Variants in ZNF646 observed in about 807,000 individuals in gnomAD.
The protein encoded by ZNF646 is zinc finger protein 646.
ZNF646 carries 49 observed loss-of-function variants against 115.4 expected under a neutral mutation model. The observed-to-expected ratio is 0.42, with a 90% CI of 0.34 to 0.54. ZNF646 has a LOEUF of 0.54. ZNF646 is among the 20% of genes least tolerant of loss of function. ZNF646 has a pLI of 0.04. For synonymous variants in ZNF646, 933 were observed against 939.0 expected (o/e 0.99, Z 0.12); for missense variants, 2,269 against 2,457.9 (o/e 0.92, Z 1.62).
intron 2 of ZNF646, chr16:31,082,670 G>C: frequency 2.4e-6 from 1 of 408,486 alleles, no homozygotes; most frequent in East Asian, 6.0e-5. Context: ...AGTGGCCACC[G>C]AGGGTGGGTG....
At position 31,078,925 on chromosome 16, in the gene ZNF646, C is replaced by A. The variant is rs149416959; in HGVS notation, c.2601C>A (p.Phe867Leu). Reference protein sequence around the residue: ...FDSLPALRSHFQNHRPGEATS... With the variant: ...FDSLPALRSHLQNHRPGEATS... ...CTCTGCCTGCCCTCCGCAGCCACTT[C>A]CAGAACCATAGGCCTGGGGAGGCGA... is the stretch of plus-strand genomic sequence containing the variant. The change falls in exon 2 of 3, where the codon TTC (phenylalanine) becomes TTA (leucine). Residue 867 changes from phenylalanine (F) to leucine (L), a missense_variant. Around this residue, in one of 5 missense-constraint regions of ZNF646, gnomAD observed 852 missense variants for 900.2 expected, o/e 0.95. Coordinates refer to ENST00000300850, the MANE Select transcript of ZNF646 (RefSeq NM_014699.4). 10 of 1,613,566 alleles carry A rather than the reference C, an allele frequency of 6.2e-6. No homozygotes were observed. The highest frequency in any genetic ancestry group is 8.5e-6 in the Non-Finnish European group (10 of 1,180,042).
At chr16:31,082,872 G>A (rs1037984406) in intron 2 of ZNF646, 99 bp from the exon 3 acceptor site, 170 of 1,471,110 alleles carry the variant, frequency 1.2e-4, no homozygotes, top group East Asian at 8.3e-4. Context: ...CTGGGCCTCC[G>A]GGGCCAGGGG....
upstream of ZNF646, chr16:31,073,862 G>A (rs2057040122): frequency 6.6e-6 from 1 of 152,244 alleles, no homozygotes; most frequent in African/African-American, 2.4e-5. Flanking sequence ...TATGGCGGCA[G>A]AGAAGCATCT....
Position 31,079,416 on chromosome 16 carries a change from C to A in ZNF646, c.3092C>A (p.Pro1031His). Residue 1031 changes from proline to histidine, a missense_variant, in exon 2 of 3, where the codon CCC becomes CAC. This residue lies in a region of ZNF646 where 1,062 missense variants were observed against 1,172.8 expected (regional missense o/e 0.91). Coordinates refer to ENST00000300850, the MANE Select transcript of ZNF646 (RefSeq NM_014699.4). The surrounding 1 kb of genome is among the most constrained non-coding windows in gnomAD (Gnocchi z 5.5). The part of the protein sequence containing the change: ...DAKSQEGAGT[P>H]LGDSLCIQGG... ...AAGTCTCAAGAGGGAGCAGGCACCC[C>A]CTTGGGAGACAGCCTCTGCATCCAG... 1 of 1,614,018 alleles carries A rather than the reference C, an allele frequency of 6.2e-7. No homozygotes were observed.
Position 31,083,755 on chromosome 16 carries a change from G to A in ZNF646, c.*663G>A. ...GGGCAGTAATGCCATTTGCCTGCCT[G>A]CATTCTCTTGTCCTGAGAATGGCCA... On this transcript the variant is annotated 3_prime_UTR_variant, in exon 3 of 3. Coordinates refer to ENST00000300850, the MANE Select transcript of ZNF646 (RefSeq NM_014699.4). 1.2e-6 allele frequency: 2 copies of A among 1,614,072 alleles called. No individual in the cohort carries two copies. Among genetic ancestry groups the A allele is most frequent in the East Asian group, 4.5e-5 (2 of 44,876 alleles).
chr16:31,077,202 C>T lies in ZNF646; in HGVS notation c.878C>T (p.Pro293Leu). The T allele has an allele frequency of 6.2e-7, 1 of 1,614,200 alleles. No homozygotes were observed. The highest frequency in any genetic ancestry group is 2.2e-5 in the East Asian group (1 of 44,876). Residue 293 changes from proline (P) to leucine (L), a missense_variant, in exon 2 of 3, where the codon CCT becomes CTT. Physicochemically the swap from Pro to Leu is moderately conservative, Grantham distance 98. This residue lies in a region of ZNF646 where 852 missense variants were observed against 900.2 expected (regional missense o/e 0.95). Coordinates refer to ENST00000300850, the MANE Select transcript of ZNF646 (RefSeq NM_014699.4). Reference sequence around the variant, plus strand: ...TCTCGACTGCATGCCCAGTATCGGCCTTACCACTGTCCCCACTGCCCCCGT... The same window carrying T: ...TCTCGACTGCATGCCCAGTATCGGCTTTACCACTGTCCCCACTGCCCCCGT... ...NHSRLHAQYR[P>L]YHCPHCPRVF...
At position 31,079,450 on chromosome 16, in the gene ZNF646, A is replaced by G. The variant is rs748739369; in HGVS notation, c.3126A>G (p.Glu1042=). Residue 1042 remains glutamate (E), a synonymous_variant, in exon 2 of 3, where the codon GAA becomes GAG. Transcript: ENST00000300850. This position sits in a 1 kb window ranked among gnomAD's most constrained non-coding sequence, Gnocchi z 5.5. ...LGDSLCIQGG[E]SLLEAQPRPF... is the part of the protein sequence containing the mutation. ...ACAGCCTCTGCATCCAGGGTGGGGAAAGTTTGTTGGAGGCTCAGCCCCGCC... is the reference window on the plus strand; with the variant it reads ...ACAGCCTCTGCATCCAGGGTGGGGAGAGTTTGTTGGAGGCTCAGCCCCGCC... 14 of 1,613,588 alleles carry G rather than the reference A, an allele frequency of 8.7e-6. No individual in the cohort carries two copies. The Middle Eastern group carries it at 4.9e-4, about 57-fold the overall frequency.
chr16:31,080,462 G>A lies in ZNF646; in HGVS notation c.4138G>A (p.Glu1380Lys). The change falls in exon 2 of 3, where the codon GAG (glutamate) becomes AAG (lysine). Residue 1380 changes from glutamate to lysine, a missense_variant. Glu to Lys is a moderately conservative substitution (Grantham distance 56, BLOSUM62 1). This residue lies in a region of ZNF646 where 1,062 missense variants were observed against 1,172.8 expected (regional missense o/e 0.91). Transcript: ENST00000300850. ...CAGCTTCCCTGGCCGGGGATCTTTG[G>A]AGCGGCACCTGCGGGAGCATGAGGA... ...GRSFPGRGSL[E>K]RHLREHEETE... is the part of the protein sequence containing the mutation. 1 of 1,613,432 alleles carries A rather than the reference G, an allele frequency of 6.2e-7. No homozygotes were observed. The highest frequency in any genetic ancestry group is 8.5e-7 in the Non-Finnish European group (1 of 1,179,964).
Position 31,078,863 on chromosome 16 carries a change from A to T in ZNF646, c.2539A>T (p.Ile847Phe). ...LSHRPCHPPGIYQCSLCPKEF... is the reference protein window; with the variant it reads ...LSHRPCHPPGFYQCSLCPKEF... ...CCACAGGCCCTGCCACCCACCAGGCATCTATCAGTGCTCCCTCTGCCCGAA... is the reference window on the plus strand; with the variant it reads ...CCACAGGCCCTGCCACCCACCAGGCTTCTATCAGTGCTCCCTCTGCCCGAA... The change falls in exon 2 of 3, where the codon ATC (isoleucine) becomes TTC (phenylalanine). Residue 847 changes from isoleucine to phenylalanine, a missense_variant. Physicochemically the swap from Ile to Phe is conservative, Grantham distance 21. Coordinates refer to ENST00000300850, the MANE Select transcript of ZNF646 (RefSeq NM_014699.4). 1 of 1,614,014 alleles carries T rather than the reference A, an allele frequency of 6.2e-7. No homozygotes were observed. The highest frequency in any genetic ancestry group is 8.5e-7 in the Non-Finnish European group (1 of 1,180,038).
chr16:31,080,092 A>C lies in ZNF646; in HGVS notation c.3768A>C (p.Arg1256=). Reference sequence around the variant, plus strand: ...ACCGGCGCATCCATGCAGATCCCCGACGTTTCCGCTGCAGCGAGTGTGGGA... The same window carrying C: ...ACCGGCGCATCCATGCAGATCCCCGCCGTTTCCGCTGCAGCGAGTGTGGGA... The part of the protein sequence containing the change: ...KNHRRIHADP[R]RFRCSECGKA... Residue 1256 remains arginine, a synonymous_variant, in exon 2 of 3, where the codon CGA becomes CGC. Transcript: ENST00000300850. 6.2e-7 allele frequency: 1 copy of C among 1,613,178 alleles called. No homozygotes were observed. Among genetic ancestry groups the C allele is most frequent in the Non-Finnish European group, 8.5e-7 (1 of 1,179,890 alleles).
In ZNF646 at chr16:31,078,118, G is replaced by A. The variant is rs368486341; in HGVS notation, c.1794G>A (p.Gly598=). 2.2e-5 allele frequency: 35 copies of A among 1,614,184 alleles called. No individual in the cohort carries two copies. Among genetic ancestry groups the A allele is most frequent in the Non-Finnish European group, 2.8e-5 (33 of 1,180,056 alleles). The part of the protein sequence containing the change: ...ESLERHGLTH[G]AGEKENSRTE... ...TTGAACGTCATGGCCTGACTCATGG[G>A]GCAGGGGAAAAGGAAAATAGCAGAA... The change falls in exon 2 of 3, where the codon GGG becomes GGA. Residue 598 remains glycine, a synonymous_variant. Coordinates refer to ENST00000300850, the MANE Select transcript of ZNF646 (RefSeq NM_014699.4).
At position 31,080,545 on chromosome 16, in the gene ZNF646, G is replaced by A; in HGVS notation, c.4221G>A (p.Glu1407=). Residue 1407 remains glutamate, a synonymous_variant, in exon 2 of 3, where the codon GAG becomes GAA. Transcript: ENST00000300850. The part of the protein sequence containing the change: ...QGGLDGTAAS[E]ANLTGSQGLE... ...GCCTGGATGGCACAGCGGCCAGTGA[G>A]GCGAACCTGACTGGCAGCCAGGGAC... 1.2e-6 allele frequency: 2 copies of A among 1,614,090 alleles called. No homozygotes were observed. Among genetic ancestry groups the A allele is most frequent in the Non-Finnish European group, 1.7e-6 (2 of 1,180,038 alleles).
In ZNF646 at chr16:31,079,717, A is replaced by C. The variant is rs763987910; in HGVS notation, c.3393A>C (p.Gly1131=). 6.2e-7 allele frequency: 1 copy of C among 1,613,624 alleles called. No homozygotes were observed. Reference sequence around the variant, plus strand: ...TGCAGGTTGGGCCCATCCCAGAAGGAGGCAGCAACAAGCCCCAGCACATGG... The same window carrying C: ...TGCAGGTTGGGCCCATCCCAGAAGGCGGCAGCAACAAGCCCCAGCACATGG... ...SELQVGPIPE[G]GSNKPQHMAE... is the part of the protein sequence containing the mutation. The change falls in exon 2 of 3, where the codon GGA becomes GGC. Residue 1131 remains glycine (G), a synonymous_variant. Transcript: ENST00000300850. This position sits in a 1 kb window ranked among gnomAD's most constrained non-coding sequence, Gnocchi z 5.5.
chr16:31,082,694 G>A, intron 2 of ZNF646: 1 of 459,096 alleles, frequency 2.2e-6, no homozygotes. Context: ...CTGAGATGGT[G>A]GGCCCTTGAC....
At position 31,083,491 on chromosome 16, in the gene ZNF646, A is replaced by G. The variant is rs2057192551; in HGVS notation, c.*399A>G. On this transcript the variant is annotated 3_prime_UTR_variant, in exon 3 of 3. Coordinates refer to ENST00000300850, the MANE Select transcript of ZNF646 (RefSeq NM_014699.4). ...AAAAAAGGAAAACTGCTGCCCCCCA[A>G]AAAAAGAAATTTTCAAAACAACGTG... 1 of 1,330,562 alleles carries G rather than the reference A, an allele frequency of 7.5e-7. No homozygotes were observed. The highest frequency in any genetic ancestry group is 9.7e-7 in the Non-Finnish European group (1 of 1,036,068). The allele number at this position is 1,330,562 out of a possible 1,614,324, so 82.4% of individuals were successfully genotyped here.
rs2057113655 is a variant in ZNF646, at chr16:31,078,776, G to A, written c.2452G>A (p.Gly818Arg). The change falls in exon 2 of 3, where the codon GGG becomes AGG. Residue 818 changes from glycine (G) to arginine (R), a missense_variant. Transcript: ENST00000300850. ...SANAVTGWQA[G>R]AAHTCSDCGH... ...CAATGCTGTCACTGGCTGGCAGGCT[G>A]GGGCCGCTCACACATGCTCTGACTG... is the stretch of plus-strand genomic sequence containing the variant. The A allele has an allele frequency of 6.2e-7, 1 of 1,613,670 alleles. No individual in the cohort carries two copies. The highest frequency in any genetic ancestry group is 1.3e-5 in the African/African-American group (1 of 74,928).
At position 31,083,505 on chromosome 16, in the gene ZNF646, C is replaced by A; in HGVS notation, c.*413C>A. The A allele has an allele frequency of 7.5e-7, 1 of 1,331,898 alleles. No individual in the cohort carries two copies. Among genetic ancestry groups the A allele is most frequent in the South Asian group, 2.1e-5 (1 of 46,566 alleles). The allele number at this position is 1,331,898 out of a possible 1,614,324, so 82.5% of individuals were successfully genotyped here. ...GCTGCCCCCCAAAAAAAGAAATTTT[C>A]AAAACAACGTGGCTGGCGTGATTGT... On this transcript the variant is annotated 3_prime_UTR_variant, in exon 3 of 3. Coordinates refer to ENST00000300850, the MANE Select transcript of ZNF646 (RefSeq NM_014699.4).
rs1479273920 is a variant in ZNF646 at position 31,077,017 on chromosome 16, T to A, written c.693T>A (p.Pro231=). 6.2e-7 allele frequency: 1 copy of A among 1,613,934 alleles called. No individual in the cohort carries two copies. The highest frequency in any genetic ancestry group is 1.1e-5 in the South Asian group (1 of 91,080). The change falls in exon 2 of 3, where the codon CCT becomes CCA. Residue 231 remains proline (P), a synonymous_variant. Transcript: ENST00000300850. ...GGGGCCAGGAGCCCACCCAGTCCCC[T>A]CCTGCTGAGGAGGAGCGGCGGTACA... The part of the protein sequence containing the change: ...FTGGQEPTQS[P]PAEEERRYKC...
At chr16:31,074,336 T>G (rs1356232851), upstream of ZNF646, 1 of 152,256 alleles carries the variant, frequency 6.6e-6, no homozygotes, top group Non-Finnish European at 1.5e-5. Flanking sequence ...TGCGTAAAAC[T>G]GCGGCTCGGA....
Sources: allele counts gnomAD v4.1 joint callset, GRCh38; gene constraint gnomAD v4.1.1; regional missense constraint gnomAD v4.1.1; non-coding constraint Gnocchi (gnomAD v3.1); transcripts MANE v1.5; gene names NCBI Gene and HGNC (gene_info 2026-07-23, HGNC 2026-07-21).